The following PTPRD variants were observed in gnomAD, a reference collection of about 807,000 sequenced individuals.
The protein encoded by PTPRD is receptor-type tyrosine-protein phosphatase delta.
Under a neutral mutation model 214.5 loss-of-function variants are expected in PTPRD, and 34 were observed. The observed-to-expected ratio is 0.16, with a 90% CI of 0.12 to 0.21. The LOEUF (loss-of-function observed/expected upper bound fraction) is 0.21. PTPRD is among the 10% of genes least tolerant of loss of function. PTPRD has a pLI of 1.00. For missense variants in PTPRD, 2,545 were observed against 2,398.7 expected, an observed-to-expected ratio of 1.06 and a Z score of -1.27; for synonymous variants, 1,128 against 845.7, an observed-to-expected ratio of 1.33 and a Z score of -5.79.
chr9:9,068,899 G>A (rs559372061), intron 10 of PTPRD, among the ~76,000 whole-genome samples: 7 of 152,194 alleles, frequency 4.6e-5, no homozygotes, highest in Admixed American at 1.3e-4. Flanking sequence ...TGTGAGGCAC[G>A]GCTCTCGGCC....
Position 8,989,332 on chromosome 9 carries a change from C to G in PTPRD, c.-104+29365G>C, listed in dbSNP as rs951377538. Among the ~76,000 whole-genome samples the G allele has an allele frequency of 2.0e-5, 3 of 152,038 alleles. No individual in the cohort carries two copies. In the South Asian group the frequency reaches 6.2e-4, roughly 32 times the overall value. On this transcript the variant is annotated intron_variant, in intron 11 of 45. Coordinates refer to ENST00000381196, the MANE Select transcript of PTPRD (RefSeq NM_002839.4). The stretch of plus-strand genomic sequence containing the variant: ...GATCCCCTCTAACTGTATTTTCATA[C>G]CCCTTAACCAATTTCTCTTCATTCC...
chr9:8,783,672 G>A (rs1222926165), intron 11 of PTPRD, among the ~76,000 whole-genome samples: 1 of 152,144 alleles, frequency 6.6e-6, no homozygotes, highest in Non-Finnish European at 1.5e-5. Flanking sequence ...AGTGGCCACT[G>A]CTTTGGTTTC....
At chr9:10,185,717 C>T (rs909311132) in intron 3 of PTPRD, among the ~76,000 whole-genome samples, 5 of 152,080 alleles carry the variant, frequency 3.3e-5, no homozygotes, top group African/African-American at 1.2e-4. Flanking sequence ...AATGTGTTAA[C>T]ATACATTCAC....
intron 2 of PTPRD, among the ~76,000 whole-genome samples, chr9:10,522,109 G>T (rs1318892234): frequency 1.3e-5 from 2 of 152,050 alleles, no homozygotes; most frequent in Non-Finnish European, 2.9e-5. Flanking sequence ...AGGTACTGGT[G>T]GTACCTGACT....
At chr9:8,734,784 C>A (rs2098699865) in intron 11 of PTPRD, among the ~76,000 whole-genome samples, 1 of 152,092 alleles carries the variant, frequency 6.6e-6, no homozygotes, top group Non-Finnish European at 1.5e-5. Flanking sequence ...ATGATTAGTA[C>A]AATTTAATAA....
chr9:9,238,972 G>A (rs368973375), intron 9 of PTPRD, among the ~76,000 whole-genome samples: 3 of 152,100 alleles, frequency 2.0e-5, no homozygotes, highest in East Asian at 3.9e-4. Context: ...GCCACGGTGT[G>A]TCTTTTTCAT....
intron 2 of PTPRD, among the ~76,000 whole-genome samples, chr9:10,563,722 C>A (rs535485916): frequency 6.6e-5 from 10 of 151,516 alleles, no homozygotes; most frequent in African/African-American, 2.4e-4. Context: ...TTTTGCTTTA[C>A]GTGTCTAAAT....
chr9:9,135,090 T>C lies in PTPRD; in HGVS notation c.-143+48214A>G, dbSNP rs555464649. The stretch of plus-strand genomic sequence containing the variant: ...ATGTCTATGTTAATGAGATCATAAA[T>C]TCCTTGAGGTAAAGGGTAGTGAGTT... On this transcript the variant is annotated intron_variant, in intron 10 of 45. Coordinates refer to ENST00000381196, the MANE Select transcript of PTPRD (RefSeq NM_002839.4). 1.4e-4 allele frequency among the ~76,000 whole-genome samples: 21 copies of C among 152,296 alleles called. No individual in the cohort carries two copies. In the East Asian group the frequency reaches 4.1e-3, roughly 29 times the overall value.
chr9:9,426,469 C>T (rs547196899), intron 8 of PTPRD, among the ~76,000 whole-genome samples: 47 of 152,296 alleles, frequency 3.1e-4, no homozygotes, highest in Middle Eastern at 3.4e-3. Context: ...TCTGTAGACT[C>T]CACCTCTGAC....
chr9:10,403,583 C>G (rs970355133), intron 2 of PTPRD, among the ~76,000 whole-genome samples: 2 of 151,378 alleles, frequency 1.3e-5, no homozygotes, highest in African/African-American at 2.4e-5. Context: ...TAAACACACT[C>G]TGACCATGGG....
rs143015939 is a variant in PTPRD at position 10,441,036 on chromosome 9, T to G, written c.-599-100019A>C. Reference sequence around the variant, plus strand: ...TTCACAGAGTGAAAATATCCACATGTTCTCAAATTTCTAAAGCTATAACCT... The same window carrying G: ...TTCACAGAGTGAAAATATCCACATGGTCTCAAATTTCTAAAGCTATAACCT... On this transcript the variant is annotated intron_variant, in intron 2 of 45. Transcript: ENST00000381196. Among the ~76,000 whole-genome samples the G allele has an allele frequency of 7.2e-3, 1,092 of 151,790 alleles. 7 individuals are homozygous for G. Among genetic ancestry groups the G allele is most frequent in the Non-Finnish European group, 0.012 (845 of 67,758 alleles).
intron 3 of PTPRD, among the ~76,000 whole-genome samples, chr9:10,122,110 C>G (rs969359730): frequency 1.3e-5 from 2 of 152,154 alleles, no homozygotes; most frequent in African/African-American, 2.4e-5. Flanking sequence ...GAGTTCAATA[C>G]CAGCCTGGCC....
intron 11 of PTPRD, among the ~76,000 whole-genome samples, chr9:8,977,076 T>A (rs1001279538): frequency 6.6e-6 from 1 of 152,088 alleles, no homozygotes; most frequent in African/African-American, 2.4e-5. Flanking sequence ...CGCATCCTCT[T>A]AACCATCCAT....
intron 9 of PTPRD, among the ~76,000 whole-genome samples, chr9:9,230,088 G>C (rs2099962124): frequency 6.6e-6 from 1 of 152,014 alleles, no homozygotes; most frequent in African/African-American, 2.4e-5. Context: ...TTTGGTCTTT[G>C]TCCTCTGTTC....
intron 8 of PTPRD, among the ~76,000 whole-genome samples, chr9:9,504,716 C>G (rs2096529842): frequency 6.6e-6 from 1 of 151,532 alleles, no homozygotes; most frequent in South Asian, 2.1e-4. Context: ...AAACCTATCT[C>G]TATTTGTGAG....
intron 6 of PTPRD, among the ~76,000 whole-genome samples, chr9:9,736,248 T>C (rs918318772): frequency 5.3e-5 from 8 of 152,106 alleles, no homozygotes; most frequent in African/African-American, 1.9e-4. Flanking sequence ...CCTATGGTTC[T>C]AACTTAAGTT....
At chr9:8,717,222 C>T (rs1055483831) in intron 12 of PTPRD, among the ~76,000 whole-genome samples, 13 of 152,222 alleles carry the variant, frequency 8.5e-5, no homozygotes, top group African/African-American at 2.4e-4. Context: ...AGGAGAGACA[C>T]AAAAACCGTA....
chr9:9,118,785 C>G (rs888543844), intron 10 of PTPRD, among the ~76,000 whole-genome samples: 1 of 151,942 alleles, frequency 6.6e-6, no homozygotes, highest in African/African-American at 2.4e-5. Flanking sequence ...ATTTCAATTC[C>G]AAATGATCAG....
chr9:8,436,649 T>G lies in PTPRD; in HGVS notation c.4029A>C (p.Ala1343=), dbSNP rs772155906. Residue 1343 remains alanine (A), a synonymous_variant, in exon 35 of 46, where the codon GCA becomes GCC. Transcript: ENST00000381196. ...TTGCTTTCAATCTTTCAATGTGGTC[T>G]GCAAGTTCCAAGATGGGTATTGGAG... ...SHPPIPILEL[A]DHIERLKAND... 2 of 1,613,608 alleles carry G rather than the reference T, an allele frequency of 1.2e-6. No individual in the cohort carries two copies. Among genetic ancestry groups the G allele is most frequent in the Non-Finnish European group, 1.7e-6 (2 of 1,179,766 alleles).
Sources: allele counts gnomAD v4.1 joint callset (sites outside exome capture counted in the v4.1 genomes callset), GRCh38; gene constraint gnomAD v4.1.1; transcripts MANE v1.5; gene names NCBI Gene and HGNC (gene_info 2026-07-23, HGNC 2026-07-21).